PTPRF: variants seen among roughly 807,000 people sequenced by gnomAD.
The protein encoded by PTPRF is protein tyrosine phosphatase receptor type F.
PTPRF carries 59 observed loss-of-function variants against 201.8 expected under a neutral mutation model. The observed-to-expected ratio is 0.29, with a 90% confidence interval of 0.24 to 0.36. The LOEUF is 0.36. Among genes scored for constraint, PTPRF ranks in the 10% least tolerant of loss-of-function variants. PTPRF has a pLI of 1.00. For synonymous variants in PTPRF, 1,088 were observed against 1,089.7 expected (o/e 1.00, Z 0.03); for missense variants, 2,132 against 2,690.5 (o/e 0.79, Z 4.59).
intron 7 of PTPRF, 48 bp downstream of exon 7, chr1:43,578,968 G>T (rs752272223): frequency 6.4e-7 from 1 of 1,564,882 alleles, no homozygotes; most frequent in East Asian, 2.2e-5. Context: ...GAGCTGTGCT[G>T]CACCTGCCGG....
At chr1:43,598,459 C>A in intron 12 of PTPRF, 1 of 519,100 alleles carries the variant, frequency 1.9e-6, no homozygotes, top group Non-Finnish European at 3.4e-6. Flanking sequence ...CCCACCTCCA[C>A]CTGTTCCCCC....
chr1:43,587,386 A>C (rs1042706326), intron 7 of PTPRF, among the ~76,000 whole-genome samples: 4 of 152,176 alleles, frequency 2.6e-5, no homozygotes, highest in Non-Finnish European at 2.9e-5. Context: ...AGAGAAATAC[A>C]TGGATTTGGA....
intron 19 of PTPRF, 117 bp from the exon 20 acceptor site, chr1:43,606,123 C>T: frequency 1.7e-6 from 2 of 1,171,300 alleles, no homozygotes; most frequent in Non-Finnish European, 2.4e-6. Context: ...GGTGTGGGCT[C>T]TGACACGGAA....
chr1:43,601,953 T>A (rs897682925), intron 13 of PTPRF, 118 bp from the exon 14 acceptor site: 10 of 1,211,090 alleles, frequency 8.3e-6, no homozygotes, highest in Non-Finnish European at 1.2e-5. Context: ...ATGGGTACTT[T>A]GAGGCCCAAA....
intron 11 of PTPRF, among the ~76,000 whole-genome samples, chr1:43,597,268 A>G (rs576389817): frequency 1.3e-5 from 2 of 152,132 alleles, no homozygotes; most frequent in African/African-American, 4.8e-5. Context: ...ACACTATATG[A>G]CACTGTATAT....
chr1:43,570,300 G>A (rs1646480778), intron 6 of PTPRF, among the ~76,000 whole-genome samples: 1 of 152,238 alleles, frequency 6.6e-6, no homozygotes, highest in Non-Finnish European at 1.5e-5. Context: ...CCAGCTCGGA[G>A]CCCTGGGAGC....
intron 2 of PTPRF, among the ~76,000 whole-genome samples, chr1:43,543,021 C>T (rs1395401406): frequency 6.6e-6 from 1 of 152,088 alleles, no homozygotes; most frequent in Non-Finnish European, 1.5e-5. Context: ...ATTGTTATAC[C>T]CGATGATGCC....
At chr1:43,617,301 G>C in intron 23 of PTPRF, 144 bp from the exon 24 acceptor site, 3 of 1,187,972 alleles carry the variant, frequency 2.5e-6, no homozygotes, top group Non-Finnish European at 3.5e-6. Context: ...CTCCATGGCT[G>C]GCACCACGAG....
Position 43,603,552 on chromosome 1 carries a change from C to T in PTPRF, c.2458+19C>T, listed in dbSNP as rs116186360. The T allele has an allele frequency of 6.0e-4, 966 of 1,613,050 alleles. 3 individuals are homozygous for T. The African/African-American group carries it at 9.3e-3, about 16-fold the overall frequency. ...GGTGCAGGTGAGTGAGGGGTCAGGA[C>T]GGACCTGAGGGTGGGGCAGCAGGAG... On this transcript the variant is annotated intron_variant, in intron 15 of 33. Transcript: ENST00000359947. This position sits in a 1 kb window ranked among gnomAD's most constrained non-coding sequence, Gnocchi z 5.8.
chr1:43,615,780 A>G (rs997606052), intron 23 of PTPRF, among the ~76,000 whole-genome samples: 16 of 151,456 alleles, frequency 1.1e-4, no homozygotes, highest in Admixed American at 2.0e-4. Flanking sequence ...GTTAGCCAGG[A>G]TGGTCTCGAT....
At chr1:43,580,384 G>A (rs1033242252) in intron 7 of PTPRF, among the ~76,000 whole-genome samples, 2 of 152,172 alleles carry the variant, frequency 1.3e-5, no homozygotes, top group African/African-American at 2.4e-5. Context: ...CAGCCCATTC[G>A]GTGACCAGTT....
At chr1:43,589,654 T>G in intron 8 of PTPRF, among the ~76,000 whole-genome samples, 1 of 147,610 alleles carries the variant, frequency 6.8e-6, no homozygotes. Context: ...CTCAGGAGTT[T>G]GAGACCAGCC....
intron 1 of PTPRF, among the ~76,000 whole-genome samples, chr1:43,535,388 G>C (rs1026641316): frequency 2.6e-5 from 4 of 152,022 alleles, no homozygotes; most frequent in African/African-American, 9.7e-5. Context: ...CTGGGCCCTG[G>C]GCTTCTACTG....
chr1:43,582,177 G>A (rs375948414), intron 7 of PTPRF, among the ~76,000 whole-genome samples: 3 of 152,182 alleles, frequency 2.0e-5, no homozygotes, highest in East Asian at 1.9e-4. Context: ...GAGGCCACGC[G>A]ACTGCTACAT....
At chr1:43,558,915 CCAGA>C (rs1645590908) in intron 5 of PTPRF, among the ~76,000 whole-genome samples, 1 of 152,262 alleles carries the variant, frequency 6.6e-6, no homozygotes, top group South Asian at 2.1e-4. Flanking sequence ...CAGGAGGCCG[CCAGA>C]CATTCAGTGG....
chr1:43,524,314 G>T (rs974058424), upstream of PTPRF, among the ~76,000 whole-genome samples: 1 of 152,020 alleles, frequency 6.6e-6, no homozygotes, highest in African/African-American at 2.4e-5. Flanking sequence ...TCTATAATTC[G>T]TCCATTAAAA....
Position 43,553,673 on chromosome 1 carries a change from G to A in PTPRF, c.237+36G>A. On this transcript the variant is annotated intron_variant, in intron 4 of 33. Coordinates refer to ENST00000359947, the MANE Select transcript of PTPRF (RefSeq NM_002840.5). The surrounding 1 kb of genome is among the most constrained non-coding windows in gnomAD (Gnocchi z 4.1). ...GGTGGGAAGGGGTCGGCAGGGCTCA[G>A]GGTCTGCCCACACTCTCTCCTTTCA... 6.2e-7 allele frequency: 1 copy of A among 1,612,618 alleles called. No homozygotes were observed. Among genetic ancestry groups the A allele is most frequent in the Non-Finnish European group, 8.5e-7 (1 of 1,179,226 alleles).
intron 16 of PTPRF, 115 bp from the exon 17 acceptor site, chr1:43,604,788 T>G: frequency 1.1e-6 from 1 of 882,814 alleles, no homozygotes; most frequent in Non-Finnish European, 1.8e-6. Flanking sequence ...CAGCCATCCT[T>G]CAACCCCCTG....
Position 43,598,845 on chromosome 1 carries a change from G to T in PTPRF, c.2245G>T (p.Val749Leu), listed in dbSNP as rs201048136. The T allele has an allele frequency of 4.3e-6, 7 of 1,614,076 alleles. No homozygotes were observed. The highest frequency in any genetic ancestry group is 2.2e-5 in the East Asian group (1 of 44,898). ...GATCCGCGGCTACCAGGTCACCTAC[G>T]TGCGGCTGGAGAATGGCGAGCCCCG... ...GQIRGYQVTY[V>L]RLENGEPRGL... Residue 749 changes from valine to leucine, a missense_variant, in exon 13 of 34, where the codon GTG becomes TTG. Val to Leu is a conservative substitution (Grantham distance 32, BLOSUM62 1). Coordinates refer to ENST00000359947, the MANE Select transcript of PTPRF (RefSeq NM_002840.5).
Sources: gnomAD v4.1 joint callset for allele counts (sites outside exome capture counted in the v4.1 genomes callset) on GRCh38, gnomAD v4.1.1 for gene constraint, Gnocchi (gnomAD v3.1) non-coding constraint, MANE v1.5 for transcripts, NCBI Gene and HGNC (gene_info 2026-07-23, HGNC 2026-07-21) for gene names.